The following PKD1L1 variants were observed in gnomAD, a reference collection of about 807,000 sequenced individuals.
PKD1L1 encodes polycystin 1 like 1, transient receptor potential channel interacting.
Under a neutral mutation model 323.4 loss-of-function variants are expected in PKD1L1, and 236 were observed. The ratio of observed to expected loss-of-function variants is 0.73; its 90% CI spans 0.66 to 0.81. PKD1L1 has a LOEUF of 0.81. PKD1L1 is among the 40% of genes least tolerant of loss of function. The pLI is 0.00. For missense variants in PKD1L1, 3,320 were observed against 3,508.0 expected (o/e 0.95, Z 1.35); for synonymous variants, 1,344 against 1,335.0 (o/e 1.01, Z -0.15).
At chr7:47,918,041 G>A (rs1258276994) in intron 7 of PKD1L1, among the ~76,000 whole-genome samples, 1 of 152,086 alleles carries the variant, frequency 6.6e-6, no homozygotes, top group East Asian at 1.9e-4. Flanking sequence ...ATACAGAATA[G>A]CAGAATGGAT....
intron 8 of PKD1L1, among the ~76,000 whole-genome samples, chr7:47,914,791 G>C (rs920864849): frequency 2.7e-5 from 4 of 150,422 alleles, no homozygotes; most frequent in African/African-American, 9.8e-5. Context: ...TTTCCCACTG[G>C]TGGGTGGGGT....
intron 14 of PKD1L1, among the ~76,000 whole-genome samples, chr7:47,897,077 G>A (rs1022976682): frequency 7.2e-5 from 11 of 152,132 alleles, no homozygotes; most frequent in African/African-American, 1.2e-4. Flanking sequence ...TGCCTATTTC[G>A]CGATGAGATA....
chr7:47,794,221 C>T lies in PKD1L1; in HGVS notation c.8356-1424G>A, dbSNP rs540527079. Among the ~76,000 whole-genome samples, 153 of 152,278 alleles carry T rather than the reference C, an allele frequency of 1.0e-3. 1 individual carries two copies. The highest frequency in any genetic ancestry group is 3.3e-3 in the African/African-American group (136 of 41,568). ...ATCCCCAAGGCCATGGGGAAAATGT[C>T]GCCAAGTCATGTCAGAGACCTTCAC... On this transcript the variant is annotated intron_variant, in intron 55 of 56. Coordinates refer to ENST00000289672, the MANE Select transcript of PKD1L1 (RefSeq NM_138295.5).
At chr7:47,872,429 T>C (rs1786301602) in intron 24 of PKD1L1, among the ~76,000 whole-genome samples, 1 of 152,200 alleles carries the variant, frequency 6.6e-6, no homozygotes, top group South Asian at 2.1e-4. Flanking sequence ...ATAGTACTGG[T>C]ATGAGAAGAG....
At chr7:47,905,088 G>A (rs1787174539) in intron 11 of PKD1L1, 69 bp downstream of exon 11, 6 of 1,511,600 alleles carry the variant, frequency 4.0e-6, no homozygotes, top group Non-Finnish European at 5.4e-6. Flanking sequence ...GTAGCAGCAT[G>A]GTGATCTTCA....
intron 55 of PKD1L1, among the ~76,000 whole-genome samples, chr7:47,794,731 G>A (rs977769082): frequency 9.2e-5 from 14 of 152,182 alleles, no homozygotes; most frequent in African/African-American, 3.4e-4. Context: ...AAGCAGCCAG[G>A]AAGGAGGCTG....
intron 46 of PKD1L1, 107 bp from the exon 47 acceptor site, chr7:47,815,564 A>C: frequency 3.0e-6 from 4 of 1,312,916 alleles, no homozygotes; most frequent in Non-Finnish European, 4.2e-6. Context: ...TTCAGATTTC[A>C]GGTACTCTGC....
rs1400129633 is a variant in PKD1L1, at chr7:47,881,927, G to A, written c.3424C>T (p.Gln1142Ter). 2 of 1,601,266 alleles carry A rather than the reference G, an allele frequency of 1.2e-6. No individual in the cohort carries two copies. Among genetic ancestry groups the A allele is most frequent in the Non-Finnish European group, 1.7e-6 (2 of 1,176,020 alleles). The change falls in exon 20 of 57, where the codon CAA (glutamine) becomes TAA (stop). Residue 1142 changes from glutamine (Q) to a stop codon, truncating the protein, a stop_gained. Coordinates refer to ENST00000289672, the MANE Select transcript of PKD1L1 (RefSeq NM_138295.5). LOFTEE classifies it high-confidence loss of function. ...PKALLGRAVF[Q>*]GYSSSGITEQ... ...TTCATACCTGAGGATGAATAGCCTT[G>A]GAAAACTGCTCGACCCAGCAGGGCC...
At chr7:47,898,236 C>A in intron 13 of PKD1L1, 42 bp from the exon 14 acceptor site, 1 of 1,503,364 alleles carries the variant, frequency 6.7e-7, no homozygotes, top group Non-Finnish European at 9.2e-7. Context: ...AAATGTCCAT[C>A]ACATCTAATG....
intron 20 of PKD1L1, among the ~76,000 whole-genome samples, chr7:47,881,218 G>T (rs1156609725): frequency 1.5e-4 from 23 of 152,080 alleles, no homozygotes; most frequent in Non-Finnish European, 8.8e-5. Context: ...TAACCTGGGT[G>T]TAACTGCTGA....
intron 46 of PKD1L1, chr7:47,819,694 T>G: frequency 1.5e-6 from 1 of 683,886 alleles, no homozygotes; most frequent in South Asian, 1.6e-5. Flanking sequence ...ACACCCAGAC[T>G]CATAGCACTG....
In PKD1L1 at chr7:47,876,204, TCA is replaced by T. The variant is rs1423283996; in HGVS notation, c.3675_3676del (p.Tyr1225Ter). On this transcript the variant is annotated stop_gained and frameshift_variant, in exon 23 of 57. Coordinates refer to ENST00000289672, the MANE Select transcript of PKD1L1 (RefSeq NM_138295.5). LOFTEE classifies it high-confidence loss of function. ...GGTGTTTCCTATCTGGTAACTAAAT[TCA>T]TAATGGAAGTCCTATGATCCAGTCC... 6.2e-6 allele frequency: 10 copies of T among 1,613,856 alleles called. No homozygotes were observed. The highest frequency in any genetic ancestry group is 8.5e-6 in the Non-Finnish European group (10 of 1,179,906).
At position 47,827,417 on chromosome 7, in the gene PKD1L1, A is replaced by G. The variant is rs373447072; in HGVS notation, c.6787T>C (p.Ser2263Pro). 82 of 1,613,098 alleles carry G rather than the reference A, an allele frequency of 5.1e-5. No individual in the cohort carries two copies. The highest frequency in any genetic ancestry group is 6.8e-5 in the Non-Finnish European group (80 of 1,179,868). Residue 2263 changes from serine to proline, a missense_variant, in exon 45 of 57, where the codon TCC (serine) becomes CCC (proline). Ser to Pro is a moderately conservative substitution (Grantham distance 74). Coordinates refer to ENST00000289672, the MANE Select transcript of PKD1L1 (RefSeq NM_138295.5). ...ARHLRWAHPPSKAQLRGTRQR... is the reference protein window; with the variant it reads ...ARHLRWAHPPPKAQLRGTRQR... ...CTGGTGCCCCTCAGCTGGGCCTTGG[A>G]TGGTGGATGCGCCCAGCGCAGGTGG...
At position 47,821,103 on chromosome 7, in the gene PKD1L1, T is replaced by G; in HGVS notation, c.6938A>C (p.Asn2313Thr). 1 of 1,601,730 alleles carries G rather than the reference T, an allele frequency of 6.2e-7. No homozygotes were observed. Among genetic ancestry groups the G allele is most frequent in the South Asian group, 1.1e-5 (1 of 90,818 alleles). Residue 2313 changes from asparagine to threonine, a missense_variant, in exon 46 of 57, where the codon AAT becomes ACT. Physicochemically the swap from Asn to Thr is moderately conservative, Grantham distance 65. Coordinates refer to ENST00000289672, the MANE Select transcript of PKD1L1 (RefSeq NM_138295.5). ...TGTAAATTCTTTCCGGATAGCTTGATTGAGGGAGTATTCATCTTGGGAAAA... is the reference window on the plus strand; with the variant it reads ...TGTAAATTCTTTCCGGATAGCTTGAGTGAGGGAGTATTCATCTTGGGAAAA... ...GRFSQDEYSL[N>T]QAIRKEFTRN...
intron 1 of PKD1L1, among the ~76,000 whole-genome samples, chr7:47,945,167 G>A (rs570454318): frequency 6.6e-6 from 1 of 152,188 alleles, no homozygotes; most frequent in African/African-American, 2.4e-5. Context: ...AGAAAGGGCC[G>A]CCCTGTATTA....
chr7:47,813,862 GC>G lies in PKD1L1; in HGVS notation c.7173+68del, dbSNP rs1360054584. 2.3e-4 allele frequency: 308 copies of G among 1,315,898 alleles called. 3 individuals are homozygous for G. The East Asian group carries it at 7.0e-3, about 30-fold the overall frequency. 81.5% of individuals were successfully genotyped at this position (1,315,898 alleles called of 1,614,324 possible). ...AGTTCAAATGATCTGCCAGGGTCCT[GC>G]CCCAATGTTGCCTAGACTTCTCTAA... On this transcript the variant is annotated intron_variant, in intron 48 of 56. Coordinates refer to ENST00000289672, the MANE Select transcript of PKD1L1 (RefSeq NM_138295.5).
At chr7:47,792,436 T>A (rs967227008) in intron 56 of PKD1L1, among the ~76,000 whole-genome samples, 191 bp downstream of exon 56, 2 of 152,178 alleles carry the variant, frequency 1.3e-5, no homozygotes, top group African/African-American at 4.8e-5. Context: ...CAACTGGAAG[T>A]CACATCATGG....
In PKD1L1 at chr7:47,885,908, CG is replaced by C; in HGVS notation, c.2982del (p.Val995Ter). On this transcript the variant is annotated frameshift_variant, in exon 18 of 57. Transcript: ENST00000289672. LOFTEE classifies it high-confidence loss of function. ...TTTPFSREPS[P>X]VTLGQPATSA... is the part of the protein sequence containing the mutation. ...GAAGTGGCAGGTTGGCCAAGGGTCACGGGTGAAGGTTCCCGTGAGAATGGTG... is the reference window on the plus strand; with the variant it reads ...GAAGTGGCAGGTTGGCCAAGGGTCACGGTGAAGGTTCCCGTGAGAATGGTG... 6.2e-7 allele frequency: 1 copy of C among 1,614,050 alleles called. No individual in the cohort carries two copies. The highest frequency in any genetic ancestry group is 1.1e-5 in the South Asian group (1 of 91,070).
intron 40 of PKD1L1, 110 bp downstream of exon 40, chr7:47,834,229 G>T: frequency 2.7e-6 from 3 of 1,101,026 alleles, no homozygotes; most frequent in Non-Finnish European, 2.7e-6. Context: ...GTCTCACCTT[G>T]AGCCTGACCC....
Sources: gnomAD v4.1 joint callset for allele counts (sites outside exome capture counted in the v4.1 genomes callset) on GRCh38, gnomAD v4.1.1 for gene constraint, MANE v1.5 for transcripts, NCBI Gene and HGNC (gene_info 2026-07-23, HGNC 2026-07-21) for gene names.